C2CD5: variants seen among roughly 807,000 people sequenced by gnomAD.
C2CD5 encodes C2 domain-containing protein 5.
C2CD5 carries 109 observed loss-of-function variants against 130.3 expected under a neutral mutation model. The ratio of observed to expected loss-of-function variants is 0.84; its 90% CI spans 0.72 to 0.98. C2CD5 has a LOEUF of 0.98. Ranked by LOEUF, C2CD5 falls within the 50% of genes least tolerant of loss-of-function variation. The pLI, the probability that C2CD5 is intolerant of heterozygous loss-of-function variation, is 0.00. For missense variants in C2CD5, 996 were observed against 1,261.8 expected (o/e 0.79, Z 3.19); for synonymous variants, 454 against 429.2 (o/e 1.06, Z -0.71).
intron 10 of C2CD5, among the ~76,000 whole-genome samples, chr12:22,499,811 C>A (rs1466545392): frequency 6.6e-6 from 1 of 152,200 alleles, no homozygotes; most frequent in African/African-American, 2.4e-5. Flanking sequence ...GTTACCAAGC[C>A]AGAAACATAA....
chr12:22,536,571 GAT>G, intron 2 of C2CD5, among the ~76,000 whole-genome samples: 1 of 152,092 alleles, frequency 6.6e-6, no homozygotes, highest in Non-Finnish European at 1.5e-5. Flanking sequence ...GTCACTAGAA[GAT>G]ATTACACAAT....
chr12:22,543,317 C>T (rs1442300444), intron 2 of C2CD5, among the ~76,000 whole-genome samples: 1 of 152,196 alleles, frequency 6.6e-6, no homozygotes, highest in Non-Finnish European at 1.5e-5. Context: ...TTAAACTAAT[C>T]ATTAGACTTA....
intron 16 of C2CD5, 132 bp downstream of exon 16, chr12:22,474,619 T>C: frequency 1.7e-6 from 1 of 587,762 alleles, no homozygotes; most frequent in Admixed American, 4.0e-5. Context: ...GTTTGTTGTA[T>C]TTTTATATAA....
chr12:22,512,777 T>C (rs934496219), intron 9 of C2CD5: 3 of 785,352 alleles, frequency 3.8e-6, no homozygotes, highest in Non-Finnish European at 5.9e-6. Flanking sequence ...TATAGCTAAA[T>C]CTCAAACTTA....
At chr12:22,498,546 CCTAAA>C (rs1401672425) in intron 10 of C2CD5, among the ~76,000 whole-genome samples, 4 of 152,078 alleles carry the variant, frequency 2.6e-5, no homozygotes, top group Non-Finnish European at 5.9e-5. Context: ...CACTTTTGCT[CCTAAA>C]CTAAATGAAT....
chr12:22,460,248 T>G (rs1940833929), intron 22 of C2CD5, among the ~76,000 whole-genome samples: 1 of 152,212 alleles, frequency 6.6e-6, no homozygotes, highest in Non-Finnish European at 1.5e-5. Flanking sequence ...ATAAAAAAAC[T>G]TCATAACCTA....
intron 6 of C2CD5, 92 bp from the exon 7 acceptor site, chr12:22,523,716 ACCAAG>A: frequency 2.2e-6 from 2 of 913,206 alleles, no homozygotes; most frequent in Non-Finnish European, 3.3e-6. Context: ...AAAAAAAAAG[ACCAAG>A]AAAATCACAG....
At chr12:22,536,750 A>ATC (rs1189888598) in intron 2 of C2CD5, among the ~76,000 whole-genome samples, 2 of 152,316 alleles carry the variant, frequency 1.3e-5, no homozygotes, top group South Asian at 4.1e-4. Context: ...TGTAGGAAAT[A>ATC]GAGTACAGTG....
chr12:22,455,134 C>A (rs1939555342), intron 25 of C2CD5, among the ~76,000 whole-genome samples: 1 of 152,064 alleles, frequency 6.6e-6, no homozygotes, highest in Non-Finnish European at 1.5e-5. Flanking sequence ...GCCTGAGGAT[C>A]CTACATATAG....
rs1943241571 is a variant in C2CD5, at chr12:22,472,799, G to A, written c.2052C>T (p.Asp684=). 8.4e-6 allele frequency: 13 copies of A among 1,545,902 alleles called. No homozygotes were observed. The highest frequency in any genetic ancestry group is 1.1e-5 in the Non-Finnish European group (12 of 1,118,432). The change falls in exon 17 of 27, where the codon GAC becomes GAT. Residue 684 remains aspartate (D), a synonymous_variant. Transcript: ENST00000446597. ...AATGGACATCTTCCATGGCATCTGT[G>A]TCATCAATCTTAAAATAGAGATTAA... The part of the protein sequence containing the change: ...KKDAFVLEID[D]TDAMEDVHSL...
intron 2 of C2CD5, among the ~76,000 whole-genome samples, chr12:22,543,708 T>TTG (rs34060195): frequency 0.13 from 18,890 of 141,882 alleles, 1,834 homozygotes; most frequent in African/African-American, 0.28. Flanking sequence ...ATTCCGGCAT[T>TTG]TGTGTGTGTG....
intron 8 of C2CD5, among the ~76,000 whole-genome samples, chr12:22,516,733 T>G (rs1277354101): frequency 6.6e-6 from 1 of 151,766 alleles, no homozygotes; most frequent in African/African-American, 2.4e-5. Flanking sequence ...TTTAAACTTA[T>G]TACTCAAATA....
At chr12:22,508,413 T>C (rs1438646619) in intron 9 of C2CD5, among the ~76,000 whole-genome samples, 2 of 152,200 alleles carry the variant, frequency 1.3e-5, no homozygotes, top group Non-Finnish European at 2.9e-5. Flanking sequence ...TTAGTCAAAA[T>C]GCATCCTTAT....
intron 8 of C2CD5, among the ~76,000 whole-genome samples, chr12:22,515,795 G>GT (rs1949660117): frequency 6.6e-6 from 1 of 151,760 alleles, no homozygotes; most frequent in Admixed American, 6.6e-5. Context: ...AGAGACGTGA[G>GT]TACCCTAAGG....
chr12:22,533,017 G>T (rs1292667381), intron 3 of C2CD5, among the ~76,000 whole-genome samples: 1 of 152,170 alleles, frequency 6.6e-6, no homozygotes, highest in African/African-American at 2.4e-5. Flanking sequence ...AGAGAAATGG[G>T]CAATATGTGT....
chr12:22,481,598 G>A (rs1232767097), intron 14 of C2CD5, among the ~76,000 whole-genome samples: 3 of 150,784 alleles, frequency 2.0e-5, no homozygotes, highest in East Asian at 3.9e-4. Flanking sequence ...ACATTAAGCT[G>A]AGACACAGCT....
At chr12:22,452,159 T>C (rs1938771686) in intron 26 of C2CD5, among the ~76,000 whole-genome samples, 1 of 152,136 alleles carries the variant, frequency 6.6e-6, no homozygotes, top group Non-Finnish European at 1.5e-5. Context: ...AAAAGGATTC[T>C]TAAAGTAGGG....
At chr12:22,539,822 T>C (rs1952176728) in intron 2 of C2CD5, among the ~76,000 whole-genome samples, 1 of 152,026 alleles carries the variant, frequency 6.6e-6, no homozygotes, top group Middle Eastern at 3.2e-3. Flanking sequence ...GGTGAAACCC[T>C]GTCTCTACAA....
intron 1 of C2CD5, 32 bp from the exon 2 acceptor site, chr12:22,544,211 G>T: frequency 6.5e-7 from 1 of 1,549,910 alleles, no homozygotes; most frequent in Non-Finnish European, 8.9e-7. Flanking sequence ...TCTGCGCCGA[G>T]CGCGGGGCCG....
Sources: allele counts gnomAD v4.1 joint callset (sites outside exome capture counted in the v4.1 genomes callset), GRCh38; gene constraint gnomAD v4.1.1; transcripts MANE v1.5; gene names NCBI Gene and HGNC (gene_info 2026-07-23, HGNC 2026-07-21).